Variants in ROBO2 observed in about 807,000 individuals in gnomAD.
The protein encoded by ROBO2 is roundabout guidance receptor 2.
In ROBO2, 53 loss-of-function variants were observed where a neutral mutation model predicts 160.8. The ratio of observed to expected loss-of-function variants is 0.33; its 90% CI spans 0.26 to 0.41. The LOEUF (loss-of-function observed/expected upper bound fraction) is 0.41, where lower values mean the gene tolerates loss of function less well. Ranked by LOEUF, ROBO2 falls within the 10% of genes least tolerant of loss-of-function variation. The probability of loss-of-function intolerance (pLI) is 1.00; values close to 1 mark genes in which losing one functional copy is unlikely to be tolerated. For synonymous variants in ROBO2, 664 were observed against 611.7 expected (o/e 1.09, Z -1.26); for missense variants, 1,577 against 1,722.4 (o/e 0.92, Z 1.49).
intron 11 of ROBO2, among the ~76,000 whole-genome samples, chr3:77,563,862 A>C (rs895176626): frequency 1.7e-4 from 26 of 152,158 alleles, no homozygotes; most frequent in Admixed American, 7.2e-4. Context: ...CTAGTTGCTT[A>C]ATGGAAAAGA....
intron 2 of ROBO2, among the ~76,000 whole-genome samples, chr3:77,294,126 C>T (rs78655628): frequency 0.12 from 10,556 of 91,518 alleles, no homozygotes; most frequent in Middle Eastern, 0.22. Context: ...GCTAGATCAC[C>T]CCAGACATAA....
intron 2 of ROBO2, among the ~76,000 whole-genome samples, chr3:76,196,991 T>C (rs1702290201): frequency 6.6e-6 from 1 of 152,260 alleles, no homozygotes; most frequent in Non-Finnish European, 1.5e-5. Flanking sequence ...TTTACACATG[T>C]TGATGCTTCT....
At chr3:76,485,300 G>A (rs1035202095) in intron 2 of ROBO2, among the ~76,000 whole-genome samples, 3 of 151,948 alleles carry the variant, frequency 2.0e-5, no homozygotes, top group Non-Finnish European at 4.4e-5. Context: ...CAAGGAGCAC[G>A]CAATCTAGGT....
chr3:77,602,123 G>A, intron 19 of ROBO2, 87 bp from the exon 21 acceptor site: 1 of 1,350,772 alleles, frequency 7.4e-7, no homozygotes, highest in Non-Finnish European at 1.1e-6. Context: ...CGTGCAGTGT[G>A]ACACACTTAT....
chr3:75,943,962 A>G (rs986697123), intron 2 of ROBO2, among the ~76,000 whole-genome samples: 1 of 152,096 alleles, frequency 6.6e-6, no homozygotes, highest in Non-Finnish European at 1.5e-5. Flanking sequence ...CAGTCTCCCA[A>G]AGTGCTGGGA....
intron 2 of ROBO2, among the ~76,000 whole-genome samples, chr3:76,897,712 CT>C (rs11298034): frequency 0.24 from 34,725 of 145,318 alleles, 4,090 homozygotes; most frequent in Middle Eastern, 0.38. Flanking sequence ...GTGGCCCTCA[CT>C]TTTTTTTTTT....
At chr3:76,019,827 G>T (rs561716038) in intron 2 of ROBO2, among the ~76,000 whole-genome samples, 4 of 150,100 alleles carry the variant, frequency 2.7e-5, no homozygotes, top group Non-Finnish European at 5.9e-5. Flanking sequence ...AGTTCTGTGC[G>T]TATCTGAGAA....
At chr3:76,608,056 G>C (rs1339155116) in intron 2 of ROBO2, among the ~76,000 whole-genome samples, 1 of 152,130 alleles carries the variant, frequency 6.6e-6, no homozygotes, top group East Asian at 1.9e-4. Context: ...AAAACCCTCT[G>C]CTTACAAATC....
chr3:76,647,234 A>G (rs2091015353), intron 2 of ROBO2, among the ~76,000 whole-genome samples: 1 of 152,178 alleles, frequency 6.6e-6, no homozygotes, highest in South Asian at 2.1e-4. Flanking sequence ...TAGCTCTGCA[A>G]GTGCAGGGGG....
chr3:76,910,296 AC>A (rs2075888659), intron 2 of ROBO2, among the ~76,000 whole-genome samples: 1 of 152,096 alleles, frequency 6.6e-6, no homozygotes. Flanking sequence ...ATCCTCAACA[AC>A]TTGTAGATGA....
intron 2 of ROBO2, among the ~76,000 whole-genome samples, chr3:76,198,197 C>T (rs1193522553): frequency 6.6e-6 from 1 of 151,390 alleles, no homozygotes; most frequent in Non-Finnish European, 1.5e-5. Context: ...TACCTCATCA[C>T]ACCCTCCTCC....
At chr3:76,905,653 C>T (rs1244021443) in intron 2 of ROBO2, among the ~76,000 whole-genome samples, 1 of 152,090 alleles carries the variant, frequency 6.6e-6, no homozygotes, top group Non-Finnish European at 1.5e-5. Context: ...TCCTTTCCAC[C>T]AGGATACTGC....
chr3:77,368,513 T>G (rs1343528965), intron 2 of ROBO2, among the ~76,000 whole-genome samples: 1 of 152,192 alleles, frequency 6.6e-6, no homozygotes, highest in African/African-American at 2.4e-5. Flanking sequence ...TCAAGGATTA[T>G]GTCCTCATTA....
At chr3:76,295,984 G>A (rs1056301952) in intron 2 of ROBO2, among the ~76,000 whole-genome samples, 45 of 152,236 alleles carry the variant, frequency 3.0e-4, no homozygotes, top group African/African-American at 8.4e-4. Context: ...TTTCATCTGC[G>A]TAGGCTGAAA....
At chr3:76,684,142 A>C (rs956044118) in intron 2 of ROBO2, among the ~76,000 whole-genome samples, 1 of 152,096 alleles carries the variant, frequency 6.6e-6, no homozygotes, top group East Asian at 1.9e-4. Flanking sequence ...GATTAAAAAA[A>C]CAAACAAGCA....
At chr3:76,623,766 C>T (rs9309747) in intron 2 of ROBO2, among the ~76,000 whole-genome samples, 1 of 152,112 alleles carries the variant, frequency 6.6e-6, no homozygotes, top group Non-Finnish European at 1.5e-5. Context: ...TTTTTAGTTT[C>T]ATTATCTCAA....
intron 7 of ROBO2, among the ~76,000 whole-genome samples, chr3:77,547,917 T>G (rs547666816): frequency 2.6e-5 from 4 of 152,024 alleles, no homozygotes; most frequent in African/African-American, 9.6e-5. Context: ...GACTCTAAAG[T>G]AAGTGTAAGG....
intron 2 of ROBO2, among the ~76,000 whole-genome samples, chr3:77,005,949 T>C (rs576979134): frequency 6.6e-6 from 1 of 152,322 alleles, no homozygotes; most frequent in East Asian, 1.9e-4. Flanking sequence ...TTAGACTAAG[T>C]GCTTTCTTGG....
chr3:76,531,215 G>T (rs184205318), intron 2 of ROBO2, among the ~76,000 whole-genome samples: 6 of 152,208 alleles, frequency 3.9e-5, no homozygotes, highest in Admixed American at 3.3e-4. Flanking sequence ...ATGAATTAAA[G>T]TTCACTTTAA....
Sources: gnomAD v4.1 joint callset for allele counts (sites outside exome capture counted in the v4.1 genomes callset) on GRCh38, gnomAD v4.1.1 for gene constraint, MANE v1.5 for transcripts, NCBI Gene and HGNC (gene_info 2026-07-23, HGNC 2026-07-21) for gene names.